Variants in NUP98 observed in about 807,000 individuals in gnomAD.
NUP98 encodes the protein nuclear pore complex protein Nup98-Nup96.
Under a neutral mutation model 191.9 loss-of-function variants are expected in NUP98, and 26 were observed. The observed-to-expected ratio is 0.14, with a 90% CI of 0.10 to 0.19. NUP98 has a LOEUF of 0.19. Ranked by LOEUF, NUP98 falls within the 10% of genes least tolerant of loss-of-function variation. The pLI is 1.00. For missense variants in NUP98, 1,941 were observed against 2,178.8 expected (o/e 0.89, Z 2.17); for synonymous variants, 808 against 778.4 (o/e 1.04, Z -0.63).
At chr11:3,771,369 T>C (rs1302753874) in intron 7 of NUP98, among the ~76,000 whole-genome samples, 1 of 152,206 alleles carries the variant, frequency 6.6e-6, no homozygotes, top group East Asian at 1.9e-4. Flanking sequence ...GCCTACAAAG[T>C]CGTATAAAAT....
intron 1 of NUP98, among the ~76,000 whole-genome samples, chr11:3,786,176 C>G (rs1226796606): frequency 1.3e-5 from 2 of 152,156 alleles, no homozygotes; most frequent in Non-Finnish European, 2.9e-5. Context: ...CTTCTAGAGT[C>G]TAGAGCCTAG....
At chr11:3,775,606 C>T (rs117438914) in intron 5 of NUP98, among the ~76,000 whole-genome samples, 6 of 151,254 alleles carry the variant, frequency 4.0e-5, no homozygotes, top group South Asian at 2.1e-4. Flanking sequence ...ATTCTTAACA[C>T]AGTAAATTCA....
In NUP98 at chr11:3,675,883, C is replaced by A; in HGVS notation, c.*276G>T. 2.1e-6 allele frequency: 1 copy of A among 474,962 alleles called. No individual in the cohort carries two copies. The highest frequency in any genetic ancestry group is 2.4e-5 in the South Asian group (1 of 41,572). The allele number at this position is 474,962 out of a possible 1,614,324, so 29.4% of individuals were successfully genotyped here. A position where few individuals can be genotyped will look rare whatever the true frequency, so the allele number is the denominator to read the frequency against. ...TACCCTGGTTCTTTGGGGGATTCTG[C>A]CAAAGGAGCTTTATTGACCATTTTT... On this transcript the variant is annotated 3_prime_UTR_variant, in exon 33 of 33. Transcript: ENST00000324932.
At chr11:3,693,140 T>G in intron 27 of NUP98, 92 bp downstream of exon 27, 2 of 1,280,512 alleles carry the variant, frequency 1.6e-6, no homozygotes. Flanking sequence ...GAGTAAAGGA[T>G]AGTTTCCCAT....
At chr11:3,679,771 G>C in intron 30 of NUP98, 63 bp from the exon 31 acceptor site, 2 of 1,492,798 alleles carry the variant, frequency 1.3e-6, no homozygotes, top group Non-Finnish European at 1.8e-6. Context: ...AAGTACAGAA[G>C]ACATGGCAGG....
At chr11:3,737,093 G>GA (rs2080093271) in intron 12 of NUP98, among the ~76,000 whole-genome samples, 1 of 152,038 alleles carries the variant, frequency 6.6e-6, no homozygotes, top group Non-Finnish European at 1.5e-5. Flanking sequence ...GACTGAAGAA[G>GA]AAACCTCTTT....
At chr11:3,789,767 C>A (rs777119528) in intron 1 of NUP98, among the ~76,000 whole-genome samples, 1 of 151,790 alleles carries the variant, frequency 6.6e-6, no homozygotes, top group South Asian at 2.1e-4. Context: ...CTGTGCCAGG[C>A]CCATTTACTT....
At chr11:3,684,137 G>C (rs966224981) in intron 29 of NUP98, among the ~76,000 whole-genome samples, 2 of 152,066 alleles carry the variant, frequency 1.3e-5, no homozygotes, top group African/African-American at 4.8e-5. Flanking sequence ...GCTTGAACCC[G>C]GGAGGCAGAA....
intron 1 of NUP98, among the ~76,000 whole-genome samples, chr11:3,792,007 A>G (rs968413227): frequency 2.7e-5 from 4 of 150,752 alleles, no homozygotes; most frequent in Non-Finnish European, 4.4e-5. Context: ...GTGAAACCCC[A>G]TCTCTACTAA....
At chr11:3,762,789 G>A in intron 9 of NUP98, 113 bp downstream of exon 9, 2 of 1,052,284 alleles carry the variant, frequency 1.9e-6, no homozygotes, top group Non-Finnish European at 2.8e-6. Flanking sequence ...TATTAGGCTG[G>A]TGCAATAATA....
chr11:3,797,120 G>A (rs2082675817), intron 1 of NUP98, among the ~76,000 whole-genome samples: 1 of 152,240 alleles, frequency 6.6e-6, no homozygotes. Context: ...CTGAATGAAT[G>A]AGTACAACCA....
chr11:3,679,068 A>G (rs912865949), intron 31 of NUP98, among the ~76,000 whole-genome samples: 2 of 148,278 alleles, frequency 1.3e-5, no homozygotes, highest in Admixed American at 6.9e-5. Context: ...GGTTGCAGTG[A>G]GCCACGATCA....
At chr11:3,750,875 A>G (rs1369998061) in intron 11 of NUP98, among the ~76,000 whole-genome samples, 1 of 152,144 alleles carries the variant, frequency 6.6e-6, no homozygotes, top group East Asian at 1.9e-4. Flanking sequence ...ACGTCAAGCA[A>G]TCCTCCTGCC....
chr11:3,684,766 C>CAAAAAAAAAAAAAAAAAAAA (rs71041370), intron 29 of NUP98, among the ~76,000 whole-genome samples: 3 of 101,802 alleles, frequency 2.9e-5, no homozygotes, highest in African/African-American at 1.2e-4. Flanking sequence ...TTTCACAGGC[C>CAAAAAAAAAAAAAAAAAAAA]AAAAAAAAAA....
intron 11 of NUP98, among the ~76,000 whole-genome samples, chr11:3,751,124 C>T (rs4910711): frequency 0.051 from 7,708 of 152,042 alleles, 257 homozygotes; most frequent in Middle Eastern, 0.099. Context: ...TTTGGGAGGC[C>T]GAGGCGGGCA....
At chr11:3,740,890 C>T (rs2080260101) in intron 12 of NUP98, among the ~76,000 whole-genome samples, 2 of 151,474 alleles carry the variant, frequency 1.3e-5, no homozygotes, top group Admixed American at 1.3e-4. Context: ...GTGACGTCGG[C>T]TCGGTGCAAC....
intron 25 of NUP98, among the ~76,000 whole-genome samples, chr11:3,697,921 A>T (rs1280477323): frequency 1.3e-5 from 2 of 151,922 alleles, no homozygotes; most frequent in Non-Finnish European, 2.9e-5. Flanking sequence ...AAGTAAATAT[A>T]TGCATATAAA....
At chr11:3,743,014 T>C (rs2080341685) in intron 12 of NUP98, among the ~76,000 whole-genome samples, 1 of 151,956 alleles carries the variant, frequency 6.6e-6, no homozygotes, top group African/African-American at 2.4e-5. Flanking sequence ...TTTCTTTTCT[T>C]TTACTTTTTT....
At chr11:3,715,600 T>C (rs1457075416) in intron 18 of NUP98, among the ~76,000 whole-genome samples, 1 of 152,144 alleles carries the variant, frequency 6.6e-6, no homozygotes, top group Non-Finnish European at 1.5e-5. Flanking sequence ...ATTTTCTTCT[T>C]TTTTGAGAGA....
Sources: gnomAD v4.1 joint callset for allele counts (sites outside exome capture counted in the v4.1 genomes callset) on GRCh38, gnomAD v4.1.1 for gene constraint, MANE v1.5 for transcripts, NCBI Gene and HGNC (gene_info 2026-07-23, HGNC 2026-07-21) for gene names.